ESR1: variants seen among roughly 807,000 people sequenced by gnomAD.
The protein encoded by ESR1 is estrogen receptor.
In ESR1, 12 loss-of-function variants were observed where a neutral mutation model predicts 52.7. That is an observed-to-expected ratio of 0.23 (90% CI 0.15 to 0.37). The LOEUF is 0.37. Ranked by LOEUF, ESR1 falls within the 10% of genes least tolerant of loss-of-function variation. The pLI, the probability that ESR1 is intolerant of heterozygous loss-of-function variation, is 1.00. For missense variants in ESR1, 584 were observed against 779.7 expected, an observed-to-expected ratio of 0.75 and a Z score of 2.99; for synonymous variants, 305 against 316.8, an observed-to-expected ratio of 0.96 and a Z score of 0.39.
chr6:151,694,179 A>G (rs1779152905), intron 1 of ESR1, among the ~76,000 whole-genome samples: 1 of 152,212 alleles, frequency 6.6e-6, no homozygotes, highest in South Asian at 2.1e-4. Flanking sequence ...AACATGCCCA[A>G]TATTACACAG....
intron 3 of ESR1, among the ~76,000 whole-genome samples, chr6:151,922,499 A>G (rs2031893566): frequency 6.6e-6 from 1 of 152,154 alleles, no homozygotes; most frequent in Non-Finnish European, 1.5e-5. Context: ...GGTACAGTCC[A>G]ATACTATTTT....
At position 152,078,589 on chromosome 6, in the gene ESR1, T is replaced by G. The variant is rs183401046; in HGVS notation, c.1370-15796T>G. ...GGCAGGTGATTTCTGCATTTCCAACTGAGGCACCTGGTTCATCTCACTGGG... is the reference window on the plus strand; with the variant it reads ...GGCAGGTGATTTCTGCATTTCCAACGGAGGCACCTGGTTCATCTCACTGGG... On this transcript the variant is annotated intron_variant, in intron 6 of 7. Coordinates refer to ENST00000206249, the MANE Select transcript of ESR1 (RefSeq NM_000125.4). 4.2e-3 allele frequency among the ~76,000 whole-genome samples: 642 copies of G among 152,234 alleles called. 3 individuals are homozygous for G. Among genetic ancestry groups the G allele is most frequent in the African/African-American group, 0.015 (609 of 41,546 alleles).
At chr6:151,849,919 T>G (rs1785989053) in intron 2 of ESR1, among the ~76,000 whole-genome samples, 1 of 146,090 alleles carries the variant, frequency 6.8e-6, no homozygotes, top group Non-Finnish European at 1.5e-5. Flanking sequence ...GGGTCCTGTC[T>G]TCAATCTCAG....
chr6:151,819,384 G>C (rs1204174603), intron 1 of ESR1, among the ~76,000 whole-genome samples: 1 of 152,138 alleles, frequency 6.6e-6, no homozygotes, highest in Non-Finnish European at 1.5e-5. Context: ...TTAGGAACTG[G>C]GCCGCACAGC....
chr6:151,659,715 A>G (rs1479662813), intron 1 of ESR1, among the ~76,000 whole-genome samples: 1 of 152,224 alleles, frequency 6.6e-6, no homozygotes, highest in African/African-American at 2.4e-5. Context: ...GCTTCTATTC[A>G]AAACAACAAT....
At chr6:152,121,697 T>C (rs973084039) in intron 6 of ESR1, 3 of 152,608 alleles carry the variant, frequency 2.0e-5, no homozygotes, top group African/African-American at 7.2e-5. Flanking sequence ...TATTTTATAA[T>C]ATCTATAATA....
intron 2 of ESR1, among the ~76,000 whole-genome samples, chr6:151,858,165 C>A (rs1444959169): frequency 1.3e-5 from 2 of 152,040 alleles, no homozygotes; most frequent in Non-Finnish European, 2.9e-5. Context: ...TCCATGAGCC[C>A]AAGAGAAATT....
chr6:151,671,643 T>C (rs750529159), intron 1 of ESR1, among the ~76,000 whole-genome samples: 8 of 152,324 alleles, frequency 5.3e-5, no homozygotes, highest in Non-Finnish European at 8.8e-5. Context: ...TTAATAATGA[T>C]GCACTGTATA....
intron 4 of ESR1, among the ~76,000 whole-genome samples, chr6:151,980,660 AAAG>A (rs1050216641): frequency 6.6e-6 from 1 of 152,186 alleles, no homozygotes; most frequent in African/African-American, 2.4e-5. Context: ...ACCTTTCCCA[AAAG>A]AAGTTCAGAT....
intron 3 of ESR1, among the ~76,000 whole-genome samples, chr6:151,928,301 C>T (rs530985947): frequency 2.6e-5 from 4 of 152,278 alleles, no homozygotes; most frequent in African/African-American, 9.6e-5. Flanking sequence ...AGAACACATA[C>T]ATTAGCCTAC....
intron 6 of ESR1, among the ~76,000 whole-genome samples, chr6:152,088,795 G>T (rs1196022701): frequency 6.6e-6 from 1 of 152,118 alleles, no homozygotes; most frequent in Admixed American, 6.5e-5. Flanking sequence ...CCAGTTTCAG[G>T]TATTCTGTTA....
chr6:151,969,386 C>A (rs2038659570), intron 4 of ESR1, among the ~76,000 whole-genome samples: 1 of 151,982 alleles, frequency 6.6e-6, no homozygotes, highest in African/African-American at 2.4e-5. Context: ...AGTAGCAGAC[C>A]AAAATGGAGT....
chr6:151,713,554 G>A (rs1429441444), intron 2 of ESR1, among the ~76,000 whole-genome samples: 1 of 152,072 alleles, frequency 6.6e-6, no homozygotes, highest in Non-Finnish European at 1.5e-5. Context: ...ACTTCTTCCT[G>A]GTTTAGTCTT....
chr6:152,128,114 T>A (rs2054160756), exon 7 of ESR1: 1 of 152,208 alleles, frequency 6.6e-6, no homozygotes, highest in Non-Finnish European at 1.5e-5. Context: ...GCTGTCAATT[T>A]CAACTCAGTT....
chr6:151,712,255 T>C (rs1039201104), intron 2 of ESR1, among the ~76,000 whole-genome samples: 6 of 152,188 alleles, frequency 3.9e-5, no homozygotes, highest in Non-Finnish European at 7.3e-5. Flanking sequence ...AGCCTTGTAG[T>C]ATAGTTTGAA....
intron 2 of ESR1, among the ~76,000 whole-genome samples, chr6:151,702,207 C>A (rs1394624537): frequency 4.6e-5 from 7 of 152,136 alleles, no homozygotes; most frequent in African/African-American, 1.7e-4. Context: ...ATTAAGGATA[C>A]AATCTGTGCA....
chr6:151,908,249 T>A (rs918427960), intron 3 of ESR1, among the ~76,000 whole-genome samples: 1 of 152,226 alleles, frequency 6.6e-6, no homozygotes. Context: ...TTCTTTTTTT[T>A]AAATGTTTAT....
At chr6:151,844,066 C>T (rs1199148402) in intron 2 of ESR1, among the ~76,000 whole-genome samples, 1 of 151,344 alleles carries the variant, frequency 6.6e-6, no homozygotes, top group Non-Finnish European at 1.5e-5. Context: ...TATTTTTATA[C>T]AATTAATGAT....
intron 3 of ESR1, chr6:151,936,005 G>A (rs1435947213): frequency 6.6e-6 from 1 of 151,956 alleles, no homozygotes; most frequent in African/African-American, 2.4e-5. Flanking sequence ...CTTGCCTTGG[G>A]AACCTGCTCC....
Sources: allele counts gnomAD v4.1 joint callset (sites outside exome capture counted in the v4.1 genomes callset), GRCh38; gene constraint gnomAD v4.1.1; transcripts MANE v1.5; gene names NCBI Gene and HGNC (gene_info 2026-07-23, HGNC 2026-07-21).